Variants in LAMA1 observed in about 807,000 individuals in gnomAD.
LAMA1 encodes the protein laminin subunit alpha 1, also known as laminin subunit alpha-1.
A neutral mutation model predicts 348.7 loss-of-function variants in LAMA1; 219 were observed. That is an observed-to-expected ratio of 0.63 (90% CI 0.56 to 0.70). LAMA1 has a LOEUF of 0.70. LAMA1 is among the 30% of genes least tolerant of loss of function. The pLI is 0.00. For missense variants in LAMA1, 3,744 were observed against 3,888.0 expected, an observed-to-expected ratio of 0.96 and a Z score of 0.99; for synonymous variants, 1,487 against 1,491.0, an observed-to-expected ratio of 1.00 and a Z score of 0.06.
At chr18:7,047,039 T>C (rs986194840) in intron 5 of LAMA1, among the ~76,000 whole-genome samples, 2 of 150,026 alleles carry the variant, frequency 1.3e-5, no homozygotes, top group African/African-American at 5.0e-5. Flanking sequence ...ATGTGTGCCT[T>C]GATTTCTTTT....
intron 56 of LAMA1, 74 bp from the exon 57 acceptor site, chr18:6,955,539 T>C (rs1048960332): frequency 2.0e-5 from 20 of 1,019,868 alleles, no homozygotes; most frequent in Non-Finnish European, 2.8e-5. Flanking sequence ...TGTTCCGCCA[T>C]GAAGGGCCAT....
intron 29 of LAMA1, among the ~76,000 whole-genome samples, chr18:7,002,611 T>C (rs2057813001): frequency 6.6e-6 from 1 of 152,144 alleles, no homozygotes; most frequent in African/African-American, 2.4e-5. Flanking sequence ...AGCCAAGAAA[T>C]TACTAGTACA....
intron 48 of LAMA1, among the ~76,000 whole-genome samples, chr18:6,969,197 G>A (rs1251628322): frequency 1.3e-5 from 2 of 152,066 alleles, no homozygotes; most frequent in African/African-American, 4.8e-5. Flanking sequence ...AAGTGCAGGG[G>A]CTCAAGTGCT....
At chr18:7,093,940 T>C (rs1391563554) in intron 1 of LAMA1, among the ~76,000 whole-genome samples, 1 of 151,866 alleles carries the variant, frequency 6.6e-6, no homozygotes, top group Non-Finnish European at 1.5e-5. Flanking sequence ...CATGCCCGGC[T>C]AATTTTTTGT....
intron 1 of LAMA1, among the ~76,000 whole-genome samples, chr18:7,098,007 G>A (rs1046574895): frequency 8.7e-5 from 13 of 150,074 alleles, no homozygotes; most frequent in Admixed American, 8.0e-4. Flanking sequence ...TTGCAGGCTC[G>A]CGCCGCCACG....
In LAMA1 at chr18:6,950,921, T is replaced by C. The variant is rs1197110873; in HGVS notation, c.8258A>G (p.Tyr2753Cys). The C allele has an allele frequency of 6.2e-7, 1 of 1,614,160 alleles. No individual in the cohort carries two copies. The highest frequency in any genetic ancestry group is 1.1e-5 in the South Asian group (1 of 91,078). The change falls in exon 58 of 63, where the codon TAC (tyrosine) becomes TGC (cysteine). Residue 2753 changes from tyrosine to cysteine, a missense_variant. Physicochemically the swap from Tyr to Cys is radical, Grantham distance 194. Around this residue, in one of 3 missense-constraint regions of LAMA1, gnomAD observed 1,983 missense variants for 1,934.3 expected, o/e 1.03. Coordinates refer to ENST00000389658, the MANE Select transcript of LAMA1 (RefSeq NM_005559.4). ...IRTFASSGLI[Y>C]YMAHQNQADY... ...TGCTTGGTTCTGATGAGCCATGTAG[T>C]AAATCAGGCCGCTGGAGGCGAACGT...
Position 7,072,551 on chromosome 18 carries a change from G to A in LAMA1, c.345+7424C>T, listed in dbSNP as rs111677743. Among the ~76,000 whole-genome samples the A allele has an allele frequency of 8.4e-3, 1,286 of 152,274 alleles. 18 individuals are homozygous for A. Among genetic ancestry groups the A allele is most frequent in the African/African-American group, 0.028 (1,175 of 41,542 alleles). ...CTCGGCTGAGAACCAAGAATACCTA[G>A]TTTGTAATGTATTAGACAGCAGTCC... On this transcript the variant is annotated intron_variant, in intron 3 of 62. Coordinates refer to ENST00000389658, the MANE Select transcript of LAMA1 (RefSeq NM_005559.4).
chr18:7,064,643 G>C (rs2058115262), intron 3 of LAMA1, among the ~76,000 whole-genome samples: 1 of 152,102 alleles, frequency 6.6e-6, no homozygotes, highest in Non-Finnish European at 1.5e-5. Flanking sequence ...TTTCTTGCCT[G>C]GCTCAGTCTA....
chr18:7,037,539 CT>C, intron 12 of LAMA1, 38 bp downstream of exon 12: 5 of 1,612,078 alleles, frequency 3.1e-6, no homozygotes, highest in Non-Finnish European at 4.2e-6. Context: ...TCCCTGAGAT[CT>C]TCATCTGAGA....
intron 31 of LAMA1, 103 bp from the exon 32 acceptor site, chr18:6,999,741 A>G: frequency 1.6e-6 from 2 of 1,243,466 alleles, no homozygotes; most frequent in Non-Finnish European, 2.3e-6. Context: ...GCACAGATCC[A>G]TTCACCTTGG....
At chr18:7,013,250 C>A (rs909884745) in intron 23 of LAMA1, among the ~76,000 whole-genome samples, 3 of 152,068 alleles carry the variant, frequency 2.0e-5, no homozygotes, top group African/African-American at 7.2e-5. Context: ...TTCCTATCTC[C>A]AGTCACCCAT....
In LAMA1 at chr18:7,040,224, C is replaced by T; in HGVS notation, c.1274G>A (p.Gly425Asp). Residue 425 changes from glycine to aspartate, a missense_variant, in exon 10 of 63, where the codon GGT becomes GAT. Around this residue, in one of 3 missense-constraint regions of LAMA1, gnomAD observed 1,529 missense variants for 1,689.4 expected, o/e 0.91. Transcript: ENST00000389658. Reference sequence around the variant, plus strand: ...ATAACCTTCCTTACATGGGCACTGACCTGGCTGCTTCCCTAGAAAGACAAC... The same window carrying T: ...ATAACCTTCCTTACATGGGCACTGATCTGGCTGCTTCCCTAGAAAGACAAC... ...HSDLHNGKQP[G>D]QCPCKEGYTG... The T allele has an allele frequency of 1.9e-6, 3 of 1,614,144 alleles. No homozygotes were observed. Among genetic ancestry groups the T allele is most frequent in the Non-Finnish European group, 2.5e-6 (3 of 1,180,032 alleles).
intron 51 of LAMA1, among the ~76,000 whole-genome samples, chr18:6,963,602 G>C (rs1391625034): frequency 1.3e-5 from 2 of 152,188 alleles, no homozygotes; most frequent in African/African-American, 4.8e-5. Context: ...TGCCACATAA[G>C]AGGAGTCTAT....
intron 42 of LAMA1, 137 bp from the exon 43 acceptor site, chr18:6,978,515 C>G: frequency 1.1e-6 from 1 of 870,350 alleles, no homozygotes; most frequent in Non-Finnish European, 1.8e-6. Flanking sequence ...TGAGGCTTGT[C>G]TGTTTGCTTT....
At chr18:7,023,567 T>C (rs2057928320) in intron 18 of LAMA1, among the ~76,000 whole-genome samples, 192 bp from the exon 19 acceptor site, 2 of 151,964 alleles carry the variant, frequency 1.3e-5, no homozygotes, top group Admixed American at 1.3e-4. Context: ...GGGGAGAGCA[T>C]CCAAAATGAG....
chr18:7,098,732 CCCGCCCGG>C, intron 1 of LAMA1, among the ~76,000 whole-genome samples: 3 of 145,200 alleles, frequency 2.1e-5, no homozygotes, highest in African/African-American at 7.6e-5. Flanking sequence ...GGGTCAGCCC[CCCGCCCGG>C]CCAGCCACCC....
intron 36 of LAMA1, among the ~76,000 whole-genome samples, chr18:6,987,394 GA>G (rs1219116849): frequency 6.6e-6 from 1 of 152,094 alleles, no homozygotes; most frequent in Non-Finnish European, 1.5e-5. Context: ...AGCTAGTTAA[GA>G]AGAAACAGAT....
chr18:7,032,401 G>A (rs931482960), intron 15 of LAMA1, among the ~76,000 whole-genome samples: 7 of 152,112 alleles, frequency 4.6e-5, no homozygotes, highest in Admixed American at 1.3e-4. Context: ...CTTTTTAAAG[G>A]TAGAAACACA....
chr18:7,046,249 T>C (rs1044103606), intron 6 of LAMA1, 29 bp downstream of exon 6: 24 of 1,420,466 alleles, frequency 1.7e-5, no homozygotes, highest in Admixed American at 5.1e-5. Context: ...TTTTGAAGTT[T>C]TAGTAAAATG....
Sources: allele counts gnomAD v4.1 joint callset (sites outside exome capture counted in the v4.1 genomes callset), GRCh38; gene constraint gnomAD v4.1.1; regional missense constraint gnomAD v4.1.1; transcripts MANE v1.5; gene names NCBI Gene and HGNC (gene_info 2026-07-23, HGNC 2026-07-21).